The following SPTAN1 variants were observed in gnomAD, a reference collection of about 807,000 sequenced individuals.
SPTAN1 encodes the protein spectrin alpha, non-erythrocytic 1.
A neutral mutation model predicts 331.3 loss-of-function variants in SPTAN1; 61 were observed. The ratio of observed to expected loss-of-function variants is 0.18; its 90% CI spans 0.15 to 0.23. SPTAN1 has a LOEUF of 0.23. SPTAN1 is among the 10% of genes least tolerant of loss of function. SPTAN1 has a pLI of 1.00. For missense variants in SPTAN1, 2,043 were observed against 3,147.9 expected (o/e 0.65, Z 8.40); for synonymous variants, 1,153 against 1,173.9 (o/e 0.98, Z 0.36).
intron 41 of SPTAN1, among the ~76,000 whole-genome samples, chr9:128,616,692 G>C (rs1857207475): frequency 6.6e-6 from 1 of 151,832 alleles, no homozygotes; most frequent in South Asian, 2.1e-4. Flanking sequence ...GCTTGAACCA[G>C]GGAGGCGGAG....
intron 1 of SPTAN1, among the ~76,000 whole-genome samples, chr9:128,555,961 C>G (rs936798643): frequency 6.6e-6 from 1 of 152,100 alleles, no homozygotes; most frequent in East Asian, 1.9e-4. Flanking sequence ...GTGGCTCATG[C>G]CTGTAATCCC....
rs539998293 is a variant in SPTAN1, at chr9:128,594,587, C to T, written c.3414+214C>T. Among the ~76,000 whole-genome samples the T allele has an allele frequency of 2.8e-4, 42 of 151,782 alleles. No homozygotes were observed. The South Asian group carries it at 8.3e-3, about 30-fold the overall frequency. ...CTGGGATTACAGATGTGCGTCACCACGCCCTGCTAATTTTTGTATTTTTTG... is the reference window on the plus strand; with the variant it reads ...CTGGGATTACAGATGTGCGTCACCATGCCCTGCTAATTTTTGTATTTTTTG... On this transcript the variant is annotated intron_variant, in intron 24 of 56. Coordinates refer to ENST00000372739, the MANE Select transcript of SPTAN1 (RefSeq NM_001130438.3).
At position 128,608,139 on chromosome 9, in the gene SPTAN1, C is replaced by T. The variant is rs1264844049; in HGVS notation, c.4354C>T (p.Arg1452Trp). ...CTCTTGCCCTCTTTAGCTGTTCCAT[C>T]GGGACTGTGAGCAAGCTGAGAACTG... is the stretch of plus-strand genomic sequence containing the variant. The part of the protein sequence containing the change: ...DQCLELQLFH[R>W]DCEQAENWMA... Residue 1452 changes from arginine to tryptophan, a missense_variant, in exon 34 of 57, where the codon CGG becomes TGG. Transcript: ENST00000372739. The T allele has an allele frequency of 1.2e-6, 2 of 1,614,026 alleles. No homozygotes were observed.
intron 18 of SPTAN1, among the ~76,000 whole-genome samples, chr9:128,585,220 G>A (rs1275865250): frequency 2.0e-5 from 3 of 151,814 alleles, no homozygotes; most frequent in African/African-American, 7.3e-5. Context: ...ATAGAGACAG[G>A]GTTTCACCAT....
chr9:128,622,537 G>A (rs961666092), intron 45 of SPTAN1, among the ~76,000 whole-genome samples: 2 of 151,640 alleles, frequency 1.3e-5, no homozygotes, highest in Non-Finnish European at 2.9e-5. Flanking sequence ...GACCTCAGGT[G>A]ATCCGCCCTC....
At position 128,594,392 on chromosome 9, in the gene SPTAN1, C is replaced by A; in HGVS notation, c.3414+19C>A. 1 of 1,591,172 alleles carries A rather than the reference C, an allele frequency of 6.3e-7. No homozygotes were observed. The highest frequency in any genetic ancestry group is 8.6e-7 in the Non-Finnish European group (1 of 1,162,010). On this transcript the variant is annotated intron_variant, in intron 24 of 56. Transcript: ENST00000372739. ...CCAGAAGGTATGGGCAGTCTTCAGG[C>A]TCAGCTGAAAATTTGTTTAAAGATT...
In SPTAN1 at chr9:128,585,704, G is replaced by A. The variant is rs766025318; in HGVS notation, c.2561-44G>A. 4.6e-6 allele frequency: 7 copies of A among 1,509,152 alleles called. No homozygotes were observed. The Admixed American group carries it at 5.0e-5, about 11-fold the overall frequency. The allele number at this position is 1,509,152 out of a possible 1,614,324, so 93.5% of individuals were successfully genotyped here. ...ACTTATTTTTGTCCTTCTGTGATGT[G>A]TCAACGTAGTTTTTGTTATCCTCTT... On this transcript the variant is annotated intron_variant, in intron 18 of 56. Coordinates refer to ENST00000372739, the MANE Select transcript of SPTAN1 (RefSeq NM_001130438.3).
At chr9:128,579,177 A>G (rs936313184) in intron 9 of SPTAN1, among the ~76,000 whole-genome samples, 4 of 152,220 alleles carry the variant, frequency 2.6e-5, no homozygotes, top group African/African-American at 9.6e-5. Context: ...CTCAGCAGGT[A>G]TATGTGTGTG....
chr9:128,593,218 C>T (rs750692902), intron 23 of SPTAN1, 176 bp downstream of exon 23: 14 of 701,606 alleles, frequency 2.0e-5, no homozygotes, highest in East Asian at 2.8e-5. Flanking sequence ...GCAGCTGTGT[C>T]GGTCGATGAC....
At chr9:128,555,424 G>A in intron 1 of SPTAN1, 1 of 1,289,018 alleles carries the variant, frequency 7.8e-7, no homozygotes, top group African/African-American at 1.5e-5. Flanking sequence ...TGCAGAAAAC[G>A]GGTTGCCTTT....
rs1855554505 is a variant in SPTAN1 at position 128,604,373 on chromosome 9, G to C, written c.3675G>C (p.Arg1225=). The C allele has an allele frequency of 1.2e-6, 2 of 1,613,950 alleles. No homozygotes were observed. Among genetic ancestry groups the C allele is most frequent in the South Asian group, 2.2e-5 (2 of 91,054 alleles). ...CCCTACAGCAGCTGGCCGAGGAACG[G>C]AGCCAGCTCTTGGGCAGCGCCCATG... is the stretch of plus-strand genomic sequence containing the variant. ...WRSLQQLAEE[R]SQLLGSAHEV... is the part of the protein sequence containing the mutation. Residue 1225 remains arginine (R), a synonymous_variant, in exon 29 of 57, where the codon CGG becomes CGC. Transcript: ENST00000372739.
At chr9:128,614,071 C>CAGGTAGGTAGGTAGGT (rs1856850919) in intron 40 of SPTAN1, among the ~76,000 whole-genome samples, 1 of 151,626 alleles carries the variant, frequency 6.6e-6, no homozygotes, top group Non-Finnish European at 1.5e-5. Flanking sequence ...CAGTTTTACA[C>CAGGTAGGTAGGTAGGT]AGGTAGGTAG....
At chr9:128,555,369 G>A (rs1374951163) in intron 1 of SPTAN1, 45 of 1,289,366 alleles carry the variant, frequency 3.5e-5, no homozygotes, top group Non-Finnish European at 4.3e-5. Flanking sequence ...CCTCCATCAT[G>A]TTGTCATCGT....
chr9:128,569,768 A>C (rs73620005), intron 3 of SPTAN1, among the ~76,000 whole-genome samples: 129 of 151,254 alleles, frequency 8.5e-4, no homozygotes, highest in African/African-American at 2.8e-3. Context: ...TTTGTCTCCT[A>C]CTCTTCCTTG....
rs1858875253 is a variant in SPTAN1, at chr9:128,627,107, C to G, written c.6577-279C>G. The G allele has an allele frequency of 1.7e-6, 1 of 583,862 alleles. No homozygotes were observed. The highest frequency in any genetic ancestry group is 3.2e-6 in the Non-Finnish European group (1 of 311,030). The allele number at this position is 583,862 out of a possible 1,614,324, so 36.2% of individuals were successfully genotyped here. A position where few individuals can be genotyped will look rare whatever the true frequency, so the allele number is the denominator to read the frequency against. On this transcript the variant is annotated intron_variant, in intron 49 of 56. Coordinates refer to ENST00000372739, the MANE Select transcript of SPTAN1 (RefSeq NM_001130438.3). This position sits in a 1 kb window ranked among gnomAD's most constrained non-coding sequence, Gnocchi z 4.9. ...GGATTACAGGTGTGAGCCACTGTAC[C>G]CAGCCAGAAGTTTCCATTTCTGACA... is the stretch of plus-strand genomic sequence containing the variant.
intron 21 of SPTAN1, among the ~76,000 whole-genome samples, 165 bp from the exon 22 acceptor site, chr9:128,591,312 C>T (rs1458544955): frequency 2.6e-5 from 4 of 152,044 alleles, no homozygotes; most frequent in Admixed American, 6.6e-5. Context: ...GTAATCCACC[C>T]GCCTCGGTCT....
intron 43 of SPTAN1, among the ~76,000 whole-genome samples, chr9:128,618,406 G>A (rs767310956): frequency 7.9e-5 from 12 of 152,060 alleles, no homozygotes; most frequent in Non-Finnish European, 1.5e-4. Context: ...AGACATGAGA[G>A]TCTGGAATCA....
chr9:128,611,121 G>A, intron 37 of SPTAN1, among the ~76,000 whole-genome samples: 1 of 152,190 alleles, frequency 6.6e-6, no homozygotes, highest in Non-Finnish European at 1.5e-5. Flanking sequence ...GAAAGTGTTA[G>A]GAAGTGTGTA....
chr9:128,633,430 A>C lies in SPTAN1; in HGVS notation c.*96A>C, dbSNP rs1477640339. On this transcript the variant is annotated 3_prime_UTR_variant, in exon 57 of 57. Coordinates refer to ENST00000372739, the MANE Select transcript of SPTAN1 (RefSeq NM_001130438.3). ...TGCTCTCACTTTCCACTGTAACCTT[A>C]AGCCTGCTTAGCTTGGAATAAGACT... 1 of 1,585,478 alleles carries C rather than the reference A, an allele frequency of 6.3e-7. No individual in the cohort carries two copies. Among genetic ancestry groups the C allele is most frequent in the African/African-American group, 1.3e-5 (1 of 74,430 alleles).
Sources: allele counts gnomAD v4.1 joint callset (sites outside exome capture counted in the v4.1 genomes callset), GRCh38; gene constraint gnomAD v4.1.1; non-coding constraint Gnocchi (gnomAD v3.1); transcripts MANE v1.5; gene names NCBI Gene and HGNC (gene_info 2026-07-23, HGNC 2026-07-21).